Variants in HLTF observed in about 807,000 individuals in gnomAD.
HLTF encodes the protein helicase like transcription factor, also known as DNA-dependent ATPase/E3 ubiquitin-protein ligase HLTF.
Under a neutral mutation model 129.4 loss-of-function variants are expected in HLTF, and 127 were observed. That is an observed-to-expected ratio of 0.98 (90% CI 0.85 to 1.14). The LOEUF is 1.14. HLTF is among the 50% of genes most tolerant of loss of function. HLTF has a pLI of 0.00. For missense variants in HLTF, 1,139 were observed against 1,187.1 expected (o/e 0.96, Z 0.60); for synonymous variants, 332 against 388.8 (o/e 0.85, Z 1.72).
chr3:149,065,836 T>A (rs1718332294), intron 8 of HLTF, among the ~76,000 whole-genome samples: 1 of 152,056 alleles, frequency 6.6e-6, no homozygotes, highest in Non-Finnish European at 1.5e-5. Context: ...TAATTTAAAA[T>A]CCCAAATACA....
Position 149,042,201 on chromosome 3 carries a change from A to C in HLTF, c.2162T>G (p.Leu721Arg). The part of the protein sequence containing the change: ...RLRQICCHTY[L>R]LTNAVSSNGP... ...ATTGGAAGACACTGCATTTGTAAGA[A>C]GGTAAGTATGGCAACAAATTTGCCG... is the stretch of plus-strand genomic sequence containing the variant. The change falls in exon 19 of 25, where the codon CTT becomes CGT. Residue 721 changes from leucine (L) to arginine (R), a missense_variant. Transcript: ENST00000310053. 6.2e-7 allele frequency: 1 copy of C among 1,613,426 alleles called. No individual in the cohort carries two copies. Among genetic ancestry groups the C allele is most frequent in the Non-Finnish European group, 8.5e-7 (1 of 1,179,428 alleles).
chr3:149,053,257 G>C (rs2107997821), intron 14 of HLTF, among the ~76,000 whole-genome samples: 1 of 152,298 alleles, frequency 6.6e-6, no homozygotes, highest in South Asian at 2.1e-4. Context: ...CTCCAGAGTT[G>C]GATGAGGGGC....
chr3:149,048,643 A>G (rs974577517), intron 16 of HLTF, among the ~76,000 whole-genome samples: 2 of 152,204 alleles, frequency 1.3e-5, no homozygotes, highest in Admixed American at 1.3e-4. Flanking sequence ...AAGGTTCAAG[A>G]ATAAGTCTAG....
intron 9 of HLTF, 25 bp from the exon 10 acceptor site, chr3:149,063,549 T>C (rs771950428): frequency 7.3e-7 from 1 of 1,377,260 alleles, no homozygotes; most frequent in Admixed American, 1.7e-5. Flanking sequence ...AATGCAAATA[T>C]AAAGTATTAG....
intron 8 of HLTF, among the ~76,000 whole-genome samples, chr3:149,065,691 A>G (rs927963952): frequency 5.9e-5 from 9 of 152,142 alleles, no homozygotes; most frequent in Admixed American, 2.0e-4. Flanking sequence ...TTAGCCAGGC[A>G]TGGTGGCGGG....
chr3:149,050,407 G>A, intron 14 of HLTF, 32 bp from the exon 15 acceptor site: 1 of 1,484,952 alleles, frequency 6.7e-7, no homozygotes. Flanking sequence ...TTTTAACAAT[G>A]AGCAGATTTG....
chr3:149,045,054 A>G (rs528806064), intron 18 of HLTF, among the ~76,000 whole-genome samples: 1 of 152,266 alleles, frequency 6.6e-6, no homozygotes, highest in African/African-American at 2.4e-5. Context: ...TAAAAAGTAA[A>G]AGCCAAAGTC....
intron 2 of HLTF, among the ~76,000 whole-genome samples, chr3:149,084,161 T>G (rs1487545807): frequency 6.6e-6 from 1 of 152,128 alleles, no homozygotes; most frequent in Non-Finnish European, 1.5e-5. Flanking sequence ...AAATATTGTC[T>G]CTTCCTAAGG....
chr3:149,041,100 T>C (rs1716096782), intron 20 of HLTF, among the ~76,000 whole-genome samples: 1 of 152,166 alleles, frequency 6.6e-6, no homozygotes, highest in African/African-American at 2.4e-5. Flanking sequence ...TCTGAAGATT[T>C]AGTTTTTTGT....
At chr3:149,055,275 T>C (rs1717323141) in intron 14 of HLTF, 28 bp downstream of exon 14, 1 of 1,459,406 alleles carries the variant, frequency 6.9e-7, no homozygotes, top group Admixed American at 1.7e-5. Flanking sequence ...TAAATTATGT[T>C]ACATTTTTAA....
intron 5 of HLTF, 98 bp from the exon 6 acceptor site, chr3:149,071,755 A>G: frequency 1.2e-6 from 1 of 800,900 alleles, no homozygotes; most frequent in South Asian, 1.7e-5. Context: ...ACTGGCGTTA[A>G]TGTCAAACGG....
chr3:149,056,783 C>T (rs1438421101), intron 13 of HLTF, among the ~76,000 whole-genome samples: 4 of 152,196 alleles, frequency 2.6e-5, no homozygotes, highest in Non-Finnish European at 4.4e-5. Flanking sequence ...GATGCACTTA[C>T]ATGCAAATTT....
At chr3:149,034,467 C>T (rs1576567745) in intron 24 of HLTF, among the ~76,000 whole-genome samples, 1 of 152,054 alleles carries the variant, frequency 6.6e-6, no homozygotes, top group Non-Finnish European at 1.5e-5. Context: ...TACACAGTTT[C>T]AGTTTAAGAT....
At chr3:149,060,387 G>C (rs1717821897) in intron 12 of HLTF, among the ~76,000 whole-genome samples, 1 of 152,022 alleles carries the variant, frequency 6.6e-6, no homozygotes, top group African/African-American at 2.4e-5. Context: ...TCATTTTATA[G>C]GTAGTAGAAA....
chr3:149,069,930 T>G (rs1250627793), intron 7 of HLTF, among the ~76,000 whole-genome samples: 1 of 152,238 alleles, frequency 6.6e-6, no homozygotes, highest in Non-Finnish European at 1.5e-5. Context: ...TATTAATGAA[T>G]GTAAGTTTTG....
chr3:149,035,717 A>AT (rs1011416449), intron 23 of HLTF, among the ~76,000 whole-genome samples: 1 of 149,598 alleles, frequency 6.7e-6, no homozygotes, highest in African/African-American at 2.5e-5. Flanking sequence ...CCTAAAAATT[A>AT]TTTTTTTGTT....
chr3:149,039,583 A>G lies in HLTF; in HGVS notation c.2613T>C (p.Leu871=). Residue 871 remains leucine, a splice_region_variant and synonymous_variant, in exon 22 of 25, where the codon CTT becomes CTC. Transcript: ENST00000310053. ...TTFLSLIEIP[L]KASGFVFTRL... The stretch of plus-strand genomic sequence containing the variant: ...GTGAAAAACACTGTGGAACTTACTT[A>G]AGTGGTATTTCTATTAAAGACAGGA... 1 of 1,389,254 alleles carries G rather than the reference A, an allele frequency of 7.2e-7. No homozygotes were observed. Among genetic ancestry groups the G allele is most frequent in the Non-Finnish European group, 1.0e-6 (1 of 989,184 alleles). The allele number at this position is 1,389,254 out of a possible 1,614,324, so 86.1% of individuals were successfully genotyped here. A position where few individuals can be genotyped will look rare whatever the true frequency, so the allele number is the denominator to read the frequency against.
chr3:149,072,812 A>T (rs936873452), intron 5 of HLTF, among the ~76,000 whole-genome samples: 7 of 152,226 alleles, frequency 4.6e-5, no homozygotes, highest in Non-Finnish European at 7.3e-5. Flanking sequence ...AATTCAGCAT[A>T]ACTCATCCTA....
chr3:149,047,967 C>A, intron 17 of HLTF, 61 bp downstream of exon 17: 1 of 1,371,184 alleles, frequency 7.3e-7, no homozygotes, highest in Non-Finnish European at 9.8e-7. Context: ...AAAGTGCCAA[C>A]TGGTTCAAGC....
Sources: gnomAD v4.1 joint callset for allele counts (sites outside exome capture counted in the v4.1 genomes callset) on GRCh38, gnomAD v4.1.1 for gene constraint, MANE v1.5 for transcripts, NCBI Gene and HGNC (gene_info 2026-07-23, HGNC 2026-07-21) for gene names.